The following PPEF1 variants were observed in gnomAD, a reference collection of about 807,000 sequenced individuals.
The protein encoded by PPEF1 is serine/threonine-protein phosphatase with EF-hands 1.
A neutral mutation model predicts 53.3 loss-of-function variants in PPEF1; 12 were observed. The observed-to-expected ratio is 0.23, with a 90% confidence interval of 0.14 to 0.36. The LOEUF is 0.36. Ranked by LOEUF, PPEF1 falls within the 10% of genes least tolerant of loss-of-function variation. The pLI is 1.00. For missense variants in PPEF1, 334 were observed against 490.4 expected, an observed-to-expected ratio of 0.68 and a Z score of 3.01; for synonymous variants, 165 against 176.7, an observed-to-expected ratio of 0.93 and a Z score of 0.52.
chrX:18,783,887 TCTTA>T lies in PPEF1; in HGVS notation c.763-6_763-3del. 2 of 1,203,474 alleles carry T rather than the reference TCTTA, an allele frequency of 1.7e-6. No homozygotes were observed. On this transcript the variant is annotated splice_region_variant and splice_polypyrimidine_tract_variant and intron_variant, in intron 8 of 15. Transcript: ENST00000470157. ...TCAGAAAAACAAAACTTACTCAAGCTCTTACTTACAGCTACATGGAAAAAGAATC... is the reference window on the plus strand; with the variant it reads ...TCAGAAAAACAAAACTTACTCAAGCTCTTACAGCTACATGGAAAAAGAATC...
chrX:18,727,521 C>T (rs2044736283), intron 1 of PPEF1, among the ~76,000 whole-genome samples: 3 of 110,937 alleles, frequency 2.7e-5, no homozygotes, highest in African/African-American at 9.8e-5. Context: ...ATCATCAACA[C>T]AGAAGACTTC....
At chrX:18,730,442 A>C in intron 2 of PPEF1, 134 bp downstream of exon 2, 1 of 754,251 alleles carries the variant, frequency 1.3e-6, no homozygotes, top group East Asian at 3.5e-5. Flanking sequence ...ATGTCATGAC[A>C]TTGTCTTGGA....
chrX:18,804,577 G>T (rs1569269365), intron 11 of PPEF1, among the ~76,000 whole-genome samples: 1 of 111,802 alleles, frequency 8.9e-6, no homozygotes, highest in Non-Finnish European at 1.9e-5. Flanking sequence ...AAAGTGCTGG[G>T]ATTACAGTCG....
chrX:18,775,813 C>T lies in PPEF1; in HGVS notation c.559-3197C>T, dbSNP rs139128349. On this transcript the variant is annotated intron_variant, in intron 6 of 15. Coordinates refer to ENST00000470157, the MANE Select transcript of PPEF1 (RefSeq NM_001377996.1). ...GGCACAACAGTTTCTACTCCTGCAT[C>T]GAGTGTGAAAAAGAAGTCTCTGTGT... 7.2e-3 allele frequency among the ~76,000 whole-genome samples: 811 copies of T among 112,012 alleles called. 8 individuals are homozygous for T. Among genetic ancestry groups the T allele is most frequent in the African/African-American group, 0.025 (761 of 30,842 alleles).
intron 9 of PPEF1, among the ~76,000 whole-genome samples, chrX:18,787,136 A>T (rs2046221707): frequency 8.9e-6 from 1 of 112,166 alleles, no homozygotes; most frequent in African/African-American, 3.2e-5. Context: ...AGGTTCAACC[A>T]TTTGGAACTC....
chrX:18,715,206 A>G (rs1268741544), intron 1 of PPEF1, among the ~76,000 whole-genome samples: 2 of 106,009 alleles, frequency 1.9e-5, no homozygotes, highest in African/African-American at 7.0e-5. Context: ...CACTCCAGCC[A>G]GGACCACCAC....
At chrX:18,776,695 C>T (rs1386158462) in intron 6 of PPEF1, among the ~76,000 whole-genome samples, 2 of 111,159 alleles carry the variant, frequency 1.8e-5, no homozygotes, top group Non-Finnish European at 3.8e-5. Context: ...CTGAGGTAGG[C>T]GGATCACCTG....
intron 10 of PPEF1, among the ~76,000 whole-genome samples, chrX:18,790,834 C>T (rs968857353): frequency 4.6e-5 from 5 of 109,711 alleles, no homozygotes; most frequent in Non-Finnish European, 9.5e-5. Context: ...CCACGCCTGG[C>T]TAATTTTTGT....
At chrX:18,764,784 G>GTTGAGTAAA (rs760669748) in intron 6 of PPEF1, among the ~76,000 whole-genome samples, 1 of 111,823 alleles carries the variant, frequency 8.9e-6, no homozygotes, top group African/African-American at 3.2e-5. Flanking sequence ...AGGGCAAATA[G>GTTGAGTAAA]TTGAGTAAAT....
At chrX:18,687,336 T>G (rs991754502) in intron 3 of PPEF1, among the ~76,000 whole-genome samples, 1 of 111,388 alleles carries the variant, frequency 9.0e-6, no homozygotes, top group Non-Finnish European at 1.9e-5. Flanking sequence ...TGCTACAATG[T>G]GTGTTAACCC....
At chrX:18,791,803 T>G (rs2046329471) in intron 10 of PPEF1, among the ~76,000 whole-genome samples, 1 of 112,406 alleles carries the variant, frequency 8.9e-6, no homozygotes, top group Non-Finnish European at 1.9e-5. Context: ...TCAAGTATGA[T>G]ATTAGCTGTG....
intron 10 of PPEF1, among the ~76,000 whole-genome samples, chrX:18,803,648 G>A (rs950064745): frequency 9.0e-6 from 1 of 111,363 alleles, no homozygotes; most frequent in Non-Finnish European, 1.9e-5. Context: ...GCAGAGTTGA[G>A]GTCTCACCAT....
intron 1 of PPEF1, among the ~76,000 whole-genome samples, chrX:18,717,595 A>G (rs867404404): frequency 9.0e-6 from 1 of 110,961 alleles, no homozygotes; most frequent in South Asian, 3.9e-4. Context: ...TCGAAGTCCA[A>G]TGGAGCATTT....
At position 18,730,193 on chromosome X, in the gene PPEF1, C is replaced by T. The variant is rs748215627; in HGVS notation, c.59C>T (p.Ala20Val). The change falls in exon 2 of 16, where the codon GCG becomes GTG. Residue 20 changes from alanine (A) to valine (V), a missense_variant. Transcript: ENST00000470157. ...TGTGGGTCTGCAGCACTGAGAGCTG[C>T]GTTGATCATCCAGAACTGGTACCGA... The part of the protein sequence containing the change: ...TRRSDTSLRA[A>V]LIIQNWYRGY... 12 of 1,207,175 alleles carry T rather than the reference C, an allele frequency of 9.9e-6. No individual in the cohort carries two copies. The African/African-American group carries it at 1.1e-4, about 11-fold the overall frequency.
chrX:18,697,807 G>C, intron 4 of PPEF1: 1 of 111,110 alleles, frequency 9.0e-6, no homozygotes, highest in Non-Finnish European at 1.9e-5. Flanking sequence ...GTTTAAAACT[G>C]TTAACATCAC....
chrX:18,711,411 A>C (rs1168855817), intron 1 of PPEF1, among the ~76,000 whole-genome samples: 1 of 111,078 alleles, frequency 9.0e-6, no homozygotes, highest in Admixed American at 9.7e-5. Flanking sequence ...CCCAGACTTC[A>C]TTATACATGT....
chrX:18,779,160 T>G lies in PPEF1; in HGVS notation c.709T>G (p.Phe237Val). Reference sequence around the variant, plus strand: ...CTTGAACAGAGGGAACCACGAAGATTTTATGATGAATCTGAGGTAACCCAG... The same window carrying G: ...CTTGAACAGAGGGAACCACGAAGATGTTATGATGAATCTGAGGTAACCCAG... ...LHLNRGNHED[F>V]MMNLRYGFTK... The change falls in exon 7 of 16, where the codon TTT becomes GTT. Residue 237 changes from phenylalanine to valine, a missense_variant. Transcript: ENST00000470157. 8.3e-7 allele frequency: 1 copy of G among 1,204,826 alleles called. No individual in the cohort carries two copies. Among genetic ancestry groups the G allele is most frequent in the African/African-American group, 1.7e-5 (1 of 57,561 alleles).
At chrX:18,676,685 G>A (rs1569236962) in intron 1 of PPEF1, among the ~76,000 whole-genome samples, 2 of 111,923 alleles carry the variant, frequency 1.8e-5, no homozygotes, top group Non-Finnish European at 3.8e-5. Context: ...CCTAGCGGTC[G>A]AAAACAAGAC....
intron 3 of PPEF1, among the ~76,000 whole-genome samples, chrX:18,687,877 C>T (rs770849326): frequency 3.6e-5 from 4 of 109,934 alleles, no homozygotes; most frequent in South Asian, 3.9e-4. Context: ...TTAGTAGAGA[C>T]GGGGCTTTAC....
Sources: gnomAD v4.1 joint callset for allele counts (sites outside exome capture counted in the v4.1 genomes callset) on GRCh38, gnomAD v4.1.1 for gene constraint, MANE v1.5 for transcripts, NCBI Gene and HGNC (gene_info 2026-07-23, HGNC 2026-07-21) for gene names.